The following DNAI2 variants were observed in gnomAD, a reference collection of about 807,000 sequenced individuals.
DNAI2 encodes the protein dynein, axonemal, intermediate polypeptide 2.
A neutral mutation model predicts 74.7 loss-of-function variants in DNAI2; 63 were observed. The observed-to-expected ratio is 0.84, with a 90% CI of 0.69 to 1.04. DNAI2 has a LOEUF of 1.04. DNAI2 is among the 50% of genes least tolerant of loss of function. The pLI is 0.00. For synonymous variants in DNAI2, 289 were observed against 314.9 expected (o/e 0.92, Z 0.87); for missense variants, 688 against 803.2 (o/e 0.86, Z 1.73).
At chr17:74,289,094 G>A (rs974256544) in intron 4 of DNAI2, among the ~76,000 whole-genome samples, 2 of 152,236 alleles carry the variant, frequency 1.3e-5, no homozygotes, top group Non-Finnish European at 2.9e-5. Flanking sequence ...CTCATGGTGT[G>A]CAAGCAGGGC....
In DNAI2 at chr17:74,291,127, C is replaced by T. The variant is rs780116486; in HGVS notation, c.718C>T (p.Gln240Ter). 6.8e-6 allele frequency: 11 copies of T among 1,610,610 alleles called. No individual in the cohort carries two copies. Among genetic ancestry groups the T allele is most frequent in the Non-Finnish European group, 9.3e-6 (11 of 1,176,812 alleles). ...HVLLGGCYNG[Q>*]IACWDTRKGS... ...ACTCCTGGGTGGCTGCTACAATGGA[C>T]AGATAGGTAAGGAGGGACCTAGGCT... The change falls in exon 6 of 14, where the codon CAG (glutamine) becomes TAG (stop). Residue 240 changes from glutamine to a stop codon, truncating the protein, a stop_gained. Transcript: ENST00000311014. LOFTEE classifies it high-confidence loss of function.
chr17:74,275,157 G>A (rs2143825232), intron 1 of DNAI2, among the ~76,000 whole-genome samples: 1 of 152,298 alleles, frequency 6.6e-6, no homozygotes, highest in Non-Finnish European at 1.5e-5. Flanking sequence ...AGTCCCTGGG[G>A]ACGGGAGTGA....
intron 3 of DNAI2, 107 bp downstream of exon 3, chr17:74,285,308 A>C: frequency 4.2e-6 from 6 of 1,413,870 alleles, no homozygotes; most frequent in Non-Finnish European, 5.9e-6. Flanking sequence ...GGCTCGTGTG[A>C]ATGCTGGGGG....
chr17:74,277,395 AAAAAAAG>A (rs1313427794), intron 1 of DNAI2, among the ~76,000 whole-genome samples: 3 of 151,860 alleles, frequency 2.0e-5, no homozygotes, highest in African/African-American at 7.3e-5. Context: ...AAAAAAAAAA[AAAAAAAG>A]AAAAAAGAAA....
intron 9 of DNAI2, among the ~76,000 whole-genome samples, chr17:74,306,686 C>T (rs566395602): frequency 8.5e-5 from 13 of 152,304 alleles, no homozygotes; most frequent in African/African-American, 1.4e-4. Context: ...GGCGAGATCT[C>T]GGCTCACTGC....
intron 13 of DNAI2, 87 bp downstream of exon 13, chr17:74,314,358 C>T: frequency 6.5e-7 from 1 of 1,530,066 alleles, no homozygotes; most frequent in Non-Finnish European, 9.0e-7. Flanking sequence ...GCCCTGACTC[C>T]CCAGCCCCTA....
chr17:74,306,841 C>T (rs2053217293), intron 9 of DNAI2, among the ~76,000 whole-genome samples: 1 of 152,254 alleles, frequency 6.6e-6, no homozygotes, highest in South Asian at 2.1e-4. Flanking sequence ...TGGTCTCAAA[C>T]TCCTGACCTC....
chr17:74,296,164 A>C (rs1268902722), intron 6 of DNAI2, among the ~76,000 whole-genome samples: 1 of 151,922 alleles, frequency 6.6e-6, no homozygotes, highest in African/African-American at 2.4e-5. Flanking sequence ...CCTTTTACTT[A>C]TTTACTTTTG....
chr17:74,297,371 C>A (rs544235819), intron 6 of DNAI2, among the ~76,000 whole-genome samples: 1 of 151,188 alleles, frequency 6.6e-6, no homozygotes, highest in Non-Finnish European at 1.5e-5. Flanking sequence ...GGATTACAGG[C>A]ATGAGCCACC....
chr17:74,277,317 G>A (rs1165194507), intron 1 of DNAI2, among the ~76,000 whole-genome samples: 3 of 150,766 alleles, frequency 2.0e-5, no homozygotes, highest in Non-Finnish European at 4.4e-5. Context: ...CCCGGGAGAC[G>A]GAGTTTGCAA....
At chr17:74,275,276 C>T (rs957890798) in intron 1 of DNAI2, among the ~76,000 whole-genome samples, 4 of 152,180 alleles carry the variant, frequency 2.6e-5, no homozygotes, top group African/African-American at 7.2e-5. Flanking sequence ...CCAACTCGTC[C>T]TGCCCTCAAC....
intron 1 of DNAI2, 114 bp from the exon 2 acceptor site, chr17:74,281,693 C>A (rs760605654): frequency 9.9e-7 from 1 of 1,011,928 alleles, no homozygotes; most frequent in Non-Finnish European, 1.5e-6. Context: ...CCCCACCACC[C>A]CTTGCTTCCT....
chr17:74,286,851 G>A, intron 3 of DNAI2, 126 bp from the exon 4 acceptor site: 1 of 1,250,026 alleles, frequency 8.0e-7, no homozygotes, highest in South Asian at 1.2e-5. Flanking sequence ...TCCATTGAAA[G>A]CACATGGTTA....
At chr17:74,275,746 C>T (rs903223696) in intron 1 of DNAI2, among the ~76,000 whole-genome samples, 10 of 151,798 alleles carry the variant, frequency 6.6e-5, no homozygotes, top group Non-Finnish European at 1.3e-4. Flanking sequence ...AAAAATTAGC[C>T]GAGTGTGGTG....
At chr17:74,298,154 G>A (rs1056096577) in intron 6 of DNAI2, among the ~76,000 whole-genome samples, 2 of 152,150 alleles carry the variant, frequency 1.3e-5, no homozygotes, top group African/African-American at 2.4e-5. Flanking sequence ...CTCTTTCAGT[G>A]GTTTTTCATG....
Position 74,312,539 on chromosome 17 carries a change from G to T in DNAI2, c.1722+309G>T, listed in dbSNP as rs138113130. On this transcript the variant is annotated intron_variant, in intron 12 of 13. Coordinates refer to ENST00000311014, the MANE Select transcript of DNAI2 (RefSeq NM_023036.6). Reference sequence around the variant, plus strand: ...AGTGACTGAACGAGGGAACATGTGTGTTGAGTGACTGAACGAGGGTCCTAG... The same window carrying T: ...AGTGACTGAACGAGGGAACATGTGTTTTGAGTGACTGAACGAGGGTCCTAG... Among the ~76,000 whole-genome samples, 691 of 152,270 alleles carry T rather than the reference G, an allele frequency of 4.5e-3. 4 individuals carry two copies. The highest frequency in any genetic ancestry group is 0.015 in the African/African-American group (639 of 41,544).
chr17:74,277,689 G>A (rs920616791), intron 1 of DNAI2, among the ~76,000 whole-genome samples: 8 of 152,242 alleles, frequency 5.3e-5, no homozygotes, highest in African/African-American at 1.9e-4. Flanking sequence ...CTGGAGGCGG[G>A]AGAGGGTAGG....
In DNAI2 at chr17:74,310,068, A is replaced by T; in HGVS notation, c.1399A>T (p.Ile467Phe). The change falls in exon 11 of 14, where the codon ATC becomes TTC. Residue 467 changes from isoleucine (I) to phenylalanine (F), a missense_variant. Physicochemically the swap from Ile to Phe is conservative, Grantham distance 21. Transcript: ENST00000311014. Reference protein sequence around the residue: ...CLRVQDNGCLIACGSQLGTTT... With the variant: ...CLRVQDNGCLFACGSQLGTTT... ...CCGGGTGCAGGACAATGGGTGTCTCATCGCCTGCGGCTCCCAGCTGGGGAC... is the reference window on the plus strand; with the variant it reads ...CCGGGTGCAGGACAATGGGTGTCTCTTCGCCTGCGGCTCCCAGCTGGGGAC... 6.2e-7 allele frequency: 1 copy of T among 1,613,898 alleles called. No homozygotes were observed. The highest frequency in any genetic ancestry group is 8.5e-7 in the Non-Finnish European group (1 of 1,180,020).
intron 3 of DNAI2, 121 bp downstream of exon 3, chr17:74,285,322 G>A (rs1055662044): frequency 6.2e-6 from 8 of 1,280,400 alleles, no homozygotes; most frequent in Admixed American, 5.9e-5. Context: ...CTGGGGGGAA[G>A]GGGACCAGCT....
Sources: gnomAD v4.1 joint callset for allele counts (sites outside exome capture counted in the v4.1 genomes callset) on GRCh38, gnomAD v4.1.1 for gene constraint, MANE v1.5 for transcripts, NCBI Gene and HGNC (gene_info 2026-07-23, HGNC 2026-07-21) for gene names.